The following GTF2A1 variants were observed in gnomAD, a reference collection of about 807,000 sequenced individuals.
GTF2A1 encodes transcription initiation factor IIA subunit 1.
GTF2A1 carries 12 observed loss-of-function variants against 54.1 expected under a neutral mutation model. The ratio of observed to expected loss-of-function variants is 0.22; its 90% confidence interval spans 0.14 to 0.36. The LOEUF (loss-of-function observed/expected upper bound fraction) is 0.36. Among genes scored for constraint, GTF2A1 ranks in the 10% least tolerant of loss-of-function variants. The pLI is 1.00. For synonymous variants in GTF2A1, 145 were observed against 152.0 expected (o/e 0.95, Z 0.34); for missense variants, 335 against 442.2 (o/e 0.76, Z 2.17).
intron 7 of GTF2A1, among the ~76,000 whole-genome samples, chr14:81,187,032 T>C (rs2140149202): frequency 6.6e-6 from 1 of 152,218 alleles, no homozygotes; most frequent in South Asian, 2.1e-4. Context: ...TTCTTTAATT[T>C]AAAATAGGTA....
At chr14:81,193,640 T>G (rs1892925858) in intron 6 of GTF2A1, among the ~76,000 whole-genome samples, 1 of 152,236 alleles carries the variant, frequency 6.6e-6, no homozygotes, top group African/African-American at 2.4e-5. Flanking sequence ...CCTAATATTC[T>G]GACTCAGTGT....
At chr14:81,203,753 G>A (rs757839465) in intron 3 of GTF2A1, 147 bp downstream of exon 3, 89 of 643,360 alleles carry the variant, frequency 1.4e-4, no homozygotes, top group South Asian at 1.7e-4. Flanking sequence ...GAAAAAGCCC[G>A]AAATCAACAG....
In GTF2A1 at chr14:81,179,943, A is replaced by G. The variant is rs1478770373; in HGVS notation, c.*280T>C. 4.7e-6 allele frequency: 1 copy of G among 214,566 alleles called. No homozygotes were observed. Among genetic ancestry groups the G allele is most frequent in the African/African-American group, 2.3e-5 (1 of 43,966 alleles). 13.3% of individuals were successfully genotyped at this position (214,566 alleles called of 1,614,324 possible). A position where few individuals can be genotyped will look rare whatever the true frequency, so the allele number is the denominator to read the frequency against. On this transcript the variant is annotated 3_prime_UTR_variant, in exon 9 of 9. Coordinates refer to ENST00000553612, the MANE Select transcript of GTF2A1 (RefSeq NM_015859.4). ...ATAGACAAAGCTTTACATGCTAATT[A>G]CCGGTGGCAGGTACCTGTATTTAAA...
chr14:81,185,734 A>AC, intron 7 of GTF2A1, 114 bp from the exon 8 acceptor site: 2 of 529,638 alleles, frequency 3.8e-6, no homozygotes, highest in Non-Finnish European at 6.7e-6. Context: ...GCATATATGT[A>AC]CGCCATGAAT....
rs1892556779 is a variant in GTF2A1, at chr14:81,177,710, G to A, written c.*2513C>T. 6.6e-6 allele frequency: 1 copy of A among 152,038 alleles called. No individual in the cohort carries two copies. The highest frequency in any genetic ancestry group is 2.4e-5 in the African/African-American group (1 of 41,420). The allele number at this position is 152,038 out of a possible 1,614,324, so 9.4% of individuals were successfully genotyped here. On this transcript the variant is annotated 3_prime_UTR_variant, in exon 9 of 9. Coordinates refer to ENST00000553612, the MANE Select transcript of GTF2A1 (RefSeq NM_015859.4). ...AGTGGAAATCCCTTGCCTTTTCAAAGGAATGACATTTTAATGGAACCTAAT... is the reference window on the plus strand; with the variant it reads ...AGTGGAAATCCCTTGCCTTTTCAAAAGAATGACATTTTAATGGAACCTAAT...
intron 2 of GTF2A1, among the ~76,000 whole-genome samples, chr14:81,205,778 C>A (rs894596824): frequency 1.3e-5 from 2 of 152,178 alleles, no homozygotes; most frequent in Admixed American, 6.5e-5. Flanking sequence ...CGAAAGACAG[C>A]GCTTCTTCCC....
At position 81,201,607 on chromosome 14, in the gene GTF2A1, T is replaced by G; in HGVS notation, c.389A>C (p.Asn130Thr). ...TCTGAGTCTTACCATGTTTGATGCA[T>G]TCATATGCTGTATCAACTTAGAATC... ...VPDSKLIQHM[N>T]ASNMSAAATA... Residue 130 changes from asparagine to threonine, a missense_variant, in exon 4 of 9, where the codon AAT becomes ACT. Around this residue, in one of 2 missense-constraint regions of GTF2A1, gnomAD observed 306 missense variants for 360.4 expected, o/e 0.85. Coordinates refer to ENST00000553612, the MANE Select transcript of GTF2A1 (RefSeq NM_015859.4). 1 of 1,600,286 alleles carries G rather than the reference T, an allele frequency of 6.2e-7. No homozygotes were observed. The highest frequency in any genetic ancestry group is 8.6e-7 in the Non-Finnish European group (1 of 1,167,368).
At chr14:81,211,392 CCTGCTTA>C (rs903821436) in intron 2 of GTF2A1, among the ~76,000 whole-genome samples, 4 of 152,198 alleles carry the variant, frequency 2.6e-5, no homozygotes, top group African/African-American at 9.6e-5. Context: ...CTGTTACCTT[CCTGCTTA>C]CTGCTAAGTA....
rs185905400 is a variant in GTF2A1, at chr14:81,193,411, C to T, written c.613-572G>A. Among the ~76,000 whole-genome samples, 568 of 152,136 alleles carry T rather than the reference C, an allele frequency of 3.7e-3. 2 individuals carry two copies. The highest frequency in any genetic ancestry group is 6.8e-3 in the Non-Finnish European group (462 of 67,992). ...CGAACTCACGACCTCATGATCCGCC[C>T]GCCTCCCAAAGTGCTGGGATTACAG... is the stretch of plus-strand genomic sequence containing the variant. On this transcript the variant is annotated intron_variant, in intron 6 of 8. Transcript: ENST00000553612.
rs1470907346 is a variant in GTF2A1, at chr14:81,219,765, A to C, written c.30+724T>G. ...TAACAAAAAGGGACCAACGGGAAGA[A>C]GTAGGTAAATTTCAAGGCGAAAGCG... On this transcript the variant is annotated intron_variant, in intron 1 of 8. Transcript: ENST00000553612. 4.6e-5 allele frequency among the ~76,000 whole-genome samples: 7 copies of C among 152,196 alleles called. No homozygotes were observed. The East Asian group carries it at 1.4e-3, about 29-fold the overall frequency.
rs554183727 is a variant in GTF2A1, at chr14:81,193,536, G to A, written c.613-697C>T. Among the ~76,000 whole-genome samples the A allele has an allele frequency of 8.4e-4, 128 of 152,236 alleles. 1 individual carries two copies. Among genetic ancestry groups the A allele is most frequent in the Non-Finnish European group, 9.3e-4 (63 of 68,014 alleles). ...CATTTAACTCCTCTTGGCCTCTGTC[G>A]TTTCACTGTCAAACTAGGCTTAATG... On this transcript the variant is annotated intron_variant, in intron 6 of 8. Transcript: ENST00000553612.
rs200315855 is a variant in GTF2A1 at position 81,220,501 on chromosome 14, A to T, written c.18T>A (p.Asn6Lys). The T allele has an allele frequency of 1.3e-6, 2 of 1,580,090 alleles. No homozygotes were observed. Among genetic ancestry groups the T allele is most frequent in the Non-Finnish European group, 1.7e-6 (2 of 1,162,722 alleles). Reference sequence around the variant, plus strand: ...ACCACGTCCTTACCACGGTGTTTGTATTTGCCGAGTTCGCCATTTCCACAC... The same window carrying T: ...ACCACGTCCTTACCACGGTGTTTGTTTTTGCCGAGTTCGCCATTTCCACAC... MANSA[N>K]TNTVPKLYRS... is the part of the protein sequence containing the mutation. The change falls in exon 1 of 9, where the codon AAT (asparagine) becomes AAA (lysine). Residue 6 changes from asparagine to lysine, a missense_variant. Asn to Lys is a moderately conservative substitution (Grantham distance 94). Coordinates refer to ENST00000553612, the MANE Select transcript of GTF2A1 (RefSeq NM_015859.4).
intron 7 of GTF2A1, among the ~76,000 whole-genome samples, chr14:81,191,689 A>G (rs1441871283): frequency 6.6e-6 from 1 of 152,222 alleles, no homozygotes; most frequent in Non-Finnish European, 1.5e-5. Flanking sequence ...TTGATGGCCT[A>G]GGAATGATGG....
intron 3 of GTF2A1, among the ~76,000 whole-genome samples, chr14:81,203,678 C>T (rs1275621046): frequency 6.6e-6 from 1 of 152,132 alleles, no homozygotes; most frequent in Non-Finnish European, 1.5e-5. Flanking sequence ...TCTACAGATA[C>T]AACCTACATT....
chr14:81,210,314 C>T (rs574919818), intron 2 of GTF2A1, among the ~76,000 whole-genome samples: 32 of 152,254 alleles, frequency 2.1e-4, no homozygotes, highest in African/African-American at 7.5e-4. Flanking sequence ...TACAGTTTCT[C>T]CACAATTCCA....
chr14:81,210,333 C>A (rs1167262547), intron 2 of GTF2A1, among the ~76,000 whole-genome samples: 5 of 152,108 alleles, frequency 3.3e-5, no homozygotes, highest in Non-Finnish European at 5.9e-5. Context: ...CATTTTCACA[C>A]AATCTTAATT....
At chr14:81,202,183 T>C (rs1224836721) in intron 3 of GTF2A1, among the ~76,000 whole-genome samples, 2 of 152,068 alleles carry the variant, frequency 1.3e-5, no homozygotes, top group Admixed American at 6.6e-5. Flanking sequence ...GAACATGAAG[T>C]AGTGAGTTAC....
rs962906723 is a variant in GTF2A1, at chr14:81,176,111, C to T, written c.*4112G>A. 3 of 152,002 alleles carry T rather than the reference C, an allele frequency of 2.0e-5. No homozygotes were observed. The highest frequency in any genetic ancestry group is 6.6e-5 in the Admixed American group (1 of 15,258). 9.4% of individuals were successfully genotyped at this position (152,002 alleles called of 1,614,324 possible). A position where few individuals can be genotyped will look rare whatever the true frequency, so the allele number is the denominator to read the frequency against. ...TTTTATTCAATTATCTATAACAATG[C>T]CATATACTAGTAAGCAAAGCAAGCA... On this transcript the variant is annotated 3_prime_UTR_variant, in exon 9 of 9. Transcript: ENST00000553612.
intron 4 of GTF2A1, among the ~76,000 whole-genome samples, chr14:81,200,245 G>A (rs1384417038): frequency 6.6e-6 from 1 of 152,056 alleles, no homozygotes; most frequent in African/African-American, 2.4e-5. Context: ...CTTCTTATCT[G>A]GCTTATAAAC....
Sources: allele counts gnomAD v4.1 joint callset (sites outside exome capture counted in the v4.1 genomes callset), GRCh38; gene constraint gnomAD v4.1.1; regional missense constraint gnomAD v4.1.1; transcripts MANE v1.5; gene names NCBI Gene and HGNC (gene_info 2026-07-23, HGNC 2026-07-21).